The following EVC2 variants were observed in gnomAD, a reference collection of about 807,000 sequenced individuals.
EVC2 encodes EvC ciliary complex subunit 2, also known as limbin.
Under a neutral mutation model 149.3 loss-of-function variants are expected in EVC2, and 148 were observed. The observed-to-expected ratio is 0.99, with a 90% CI of 0.87 to 1.14. The LOEUF is 1.14. Ranked by LOEUF, EVC2 falls within the 50% of genes most tolerant of loss-of-function variation. The pLI is 0.00. For missense variants in EVC2, 1,854 were observed against 1,627.3 expected (o/e 1.14, Z -2.40); for synonymous variants, 776 against 649.9 (o/e 1.19, Z -2.95).
At chr4:5,620,020 G>A (rs1715566538) in intron 14 of EVC2, among the ~76,000 whole-genome samples, 1 of 152,182 alleles carries the variant, frequency 6.6e-6, no homozygotes, top group Non-Finnish European at 1.5e-5. Context: ...GTGGGGCTGT[G>A]GATCTGCTAG....
chr4:5,681,428 C>T, intron 6 of EVC2, 115 bp from the exon 7 acceptor site: 1 of 1,037,802 alleles, frequency 9.6e-7, no homozygotes. Context: ...GCCCTAACTG[C>T]TGCACAGGTC....
At chr4:5,589,448 C>A (rs759529826) in intron 16 of EVC2, among the ~76,000 whole-genome samples, 9 of 152,204 alleles carry the variant, frequency 5.9e-5, no homozygotes, top group Non-Finnish European at 7.4e-5. Flanking sequence ...TCAAGAGGAC[C>A]CAGTAGACAC....
At chr4:5,570,361 C>G (rs1226533429) in intron 19 of EVC2, among the ~76,000 whole-genome samples, 1 of 152,216 alleles carries the variant, frequency 6.6e-6, no homozygotes, top group Non-Finnish European at 1.5e-5. Flanking sequence ...ATTATCACAG[C>G]CCTTCCAGCT....
intron 9 of EVC2, among the ~76,000 whole-genome samples, chr4:5,654,216 A>C (rs1718349277): frequency 6.6e-6 from 1 of 152,144 alleles, no homozygotes; most frequent in Non-Finnish European, 1.5e-5. Context: ...TCCGTCTCAA[A>C]AAAAAAAGAG....
chr4:5,663,564 G>C (rs866754888), intron 8 of EVC2, among the ~76,000 whole-genome samples: 8 of 152,218 alleles, frequency 5.3e-5, no homozygotes, highest in Admixed American at 4.6e-4. Context: ...TTATCAGGTA[G>C]AGGAAACCTC....
chr4:5,586,804 T>C (rs571950519), intron 16 of EVC2, among the ~76,000 whole-genome samples: 113 of 152,314 alleles, frequency 7.4e-4, no homozygotes, highest in African/African-American at 2.6e-3. Flanking sequence ...CTTACATGTA[T>C]TGATTGATGT....
In EVC2 at chr4:5,663,261, C is replaced by T. The variant is rs371325268; in HGVS notation, c.1006-15G>A. On this transcript the variant is annotated splice_polypyrimidine_tract_variant and intron_variant, in intron 8 of 21. Transcript: ENST00000344408. ...TACTGCCAAACCTTCAGGAGAATTG[C>T]GGAAATAATAATTGATTGGGCCTTC... The T allele has an allele frequency of 3.8e-5, 61 of 1,613,610 alleles. No individual in the cohort carries two copies. The highest frequency in any genetic ancestry group is 1.6e-4 in the Middle Eastern group (1 of 6,076).
rs550454062 is a variant in EVC2 at position 5,684,579 on chromosome 4, G to A, written c.816+791C>T. Among the ~76,000 whole-genome samples, 465 of 136,836 alleles carry A rather than the reference G, an allele frequency of 3.4e-3. 3 individuals carry two copies. The highest frequency in any genetic ancestry group is 5.3e-3 in the Non-Finnish European group (343 of 64,396). The allele number at this position is 136,836 out of a possible 152,430, so 89.8% of individuals were successfully genotyped here. A position where few individuals can be genotyped will look rare whatever the true frequency, so the allele number is the denominator to read the frequency against. On this transcript the variant is annotated intron_variant, in intron 6 of 21. Coordinates refer to ENST00000344408, the MANE Select transcript of EVC2 (RefSeq NM_147127.5). The stretch of plus-strand genomic sequence containing the variant: ...ACATCTCCTCCAGCCTGTACCCGGG[G>A]TGTGCAGCACCTGCCAGGACAGGCA...
intron 7 of EVC2, among the ~76,000 whole-genome samples, chr4:5,673,203 G>A (rs1203943468): frequency 3.9e-5 from 6 of 152,214 alleles, no homozygotes; most frequent in Admixed American, 3.9e-4. Context: ...GAAAATCTGA[G>A]CCGCTATTGC....
chr4:5,556,551 T>G lies in EVC2; in HGVS notation c.3419+8707A>C, dbSNP rs78386935. 3.8e-3 allele frequency among the ~76,000 whole-genome samples: 570 copies of G among 151,950 alleles called. 6 individuals carry two copies. The highest frequency in any genetic ancestry group is 0.013 in the African/African-American group (538 of 41,458). ...AGGATACTAAAGAAAAATGAGTAAC[T>G]TAAGGCCAAAGCAATCAGAAAAAAA... On this transcript the variant is annotated intron_variant and NMD_transcript_variant, in intron 21 of 22. Transcript: ENST00000475313.
chr4:5,651,998 C>T (rs752232098), intron 9 of EVC2, among the ~76,000 whole-genome samples: 3 of 152,190 alleles, frequency 2.0e-5, no homozygotes, highest in Admixed American at 6.5e-5. Context: ...GCATCTGACA[C>T]GGAGCCTTGC....
rs1478043055 is a variant in EVC2, at chr4:5,696,811, G to A, written c.283+782C>T. Among the ~76,000 whole-genome samples, 2 of 152,176 alleles carry A rather than the reference G, an allele frequency of 1.3e-5. No individual in the cohort carries two copies. The highest frequency in any genetic ancestry group is 2.4e-5 in the African/African-American group (1 of 41,438). On this transcript the variant is annotated intron_variant, in intron 2 of 21. Transcript: ENST00000344408. This position sits in a 1 kb window ranked among gnomAD's most constrained non-coding sequence, Gnocchi z 4.1. ...CAGTTGAATTTCGACCACTGAGTGT[G>A]GCAAGCTGAATAAAGGTCCGCAAAG...
At chr4:5,616,411 C>G (rs550772335) in intron 15 of EVC2, among the ~76,000 whole-genome samples, 24 of 144,604 alleles carry the variant, frequency 1.7e-4, no homozygotes, top group African/African-American at 6.1e-4. Context: ...TGGGGGCCAC[C>G]AGCAGATGAG....
chr4:5,665,757 C>CGCTT, intron 7 of EVC2, 108 bp from the exon 8 acceptor site: 1 of 1,515,832 alleles, frequency 6.6e-7, no homozygotes, highest in Non-Finnish European at 9.0e-7. Context: ...CCAGGGGACT[C>CGCTT]GCTTGCATTT....
intron 21 of EVC2, among the ~76,000 whole-genome samples, chr4:5,563,736 T>C (rs933194986): frequency 7.2e-5 from 11 of 151,930 alleles, no homozygotes; most frequent in Admixed American, 1.3e-4. Context: ...AACTGGCAAA[T>C]GCTACAAATC....
intron 21 of EVC2, among the ~76,000 whole-genome samples, chr4:5,555,328 T>C (rs1261293431): frequency 6.6e-6 from 1 of 152,164 alleles, no homozygotes. Flanking sequence ...ACTTAAAATG[T>C]GAATGGACTA....
intron 8 of EVC2, among the ~76,000 whole-genome samples, chr4:5,664,523 G>A (rs1314157065): frequency 6.6e-6 from 1 of 152,160 alleles, no homozygotes; most frequent in Non-Finnish European, 1.5e-5. Context: ...ACAGCTTTGG[G>A]AGAATCAGTA....
chr4:5,594,749 G>C lies in EVC2; in HGVS notation c.2830-9899C>G, dbSNP rs184088978. On this transcript the variant is annotated intron_variant, in intron 16 of 21. Coordinates refer to ENST00000344408, the MANE Select transcript of EVC2 (RefSeq NM_147127.5). ...GACTTGGACGAGTTGAGAGAAGAAG[G>C]CTTCAGACGATCAAACTACTCCAAG... Among the ~76,000 whole-genome samples, 923 of 152,296 alleles carry C rather than the reference G, an allele frequency of 6.1e-3. 10 individuals are homozygous for C. The highest frequency in any genetic ancestry group is 0.021 in the African/African-American group (873 of 41,556).
intron 15 of EVC2, among the ~76,000 whole-genome samples, chr4:5,616,629 C>A (rs1715277726): frequency 6.6e-6 from 1 of 152,198 alleles, no homozygotes; most frequent in African/African-American, 2.4e-5. Flanking sequence ...AAGATTAAAA[C>A]AACAATTTTA....
Sources: allele counts gnomAD v4.1 joint callset (sites outside exome capture counted in the v4.1 genomes callset), GRCh38; gene constraint gnomAD v4.1.1; non-coding constraint Gnocchi (gnomAD v3.1); transcripts MANE v1.5; gene names NCBI Gene and HGNC (gene_info 2026-07-23, HGNC 2026-07-21).